NPC1: variants seen among roughly 807,000 people sequenced by gnomAD.
NPC1 encodes NPC intracellular cholesterol transporter 1.
In NPC1, 85 loss-of-function variants were observed where a neutral mutation model predicts 140.4. That is an observed-to-expected ratio of 0.61 (90% CI 0.51 to 0.72). The LOEUF (loss-of-function observed/expected upper bound fraction) is 0.72, where lower values mean the gene tolerates loss of function less well. NPC1 is among the 30% of genes least tolerant of loss of function. NPC1 has a pLI of 0.00. For synonymous variants in NPC1, 656 were observed against 624.8 expected, an observed-to-expected ratio of 1.05 and a Z score of -0.74; for missense variants, 1,504 against 1,623.8, an observed-to-expected ratio of 0.93 and a Z score of 1.27.
chr18:23,532,755 C>A (rs1264249783), intron 24 of NPC1: 6 of 281,252 alleles, frequency 2.1e-5, no homozygotes, highest in Non-Finnish European at 2.6e-5. Context: ...GAACTACTTT[C>A]TATCCCCCGG....
intron 9 of NPC1, among the ~76,000 whole-genome samples, chr18:23,553,778 G>A (rs2058909442): frequency 6.6e-6 from 1 of 152,112 alleles, no homozygotes; most frequent in South Asian, 2.1e-4. Flanking sequence ...ACCGCTTCCT[G>A]GGGTGACTAT....
chr18:23,574,018 A>G (rs981565891), intron 1 of NPC1, among the ~76,000 whole-genome samples: 1 of 152,234 alleles, frequency 6.6e-6, no homozygotes, highest in Non-Finnish European at 1.5e-5. Flanking sequence ...ATGAAGAACA[A>G]AACAACAAAA....
rs374639318 is a variant in NPC1, at chr18:23,509,206, A to G, written c.432-2564T>C. 1.6e-5 allele frequency: 23 copies of G among 1,404,208 alleles called. No homozygotes were observed. The Admixed American group carries it at 2.2e-4, about 13-fold the overall frequency. 87.0% of individuals were successfully genotyped at this position (1,404,208 alleles called of 1,614,324 possible). On this transcript the variant is annotated intron_variant, in intron 3 of 3. Coordinates refer to the NPC1 transcript ENST00000591107. The stretch of plus-strand genomic sequence containing the variant: ...AATTTTTCTTAGACTAAGAATGCCA[A>G]CATTCTAGGATTCTGCTGGACTAGT...
At chr18:23,584,257 C>G (rs2059389082) in intron 1 of NPC1, among the ~76,000 whole-genome samples, 1 of 152,194 alleles carries the variant, frequency 6.6e-6, no homozygotes, top group African/African-American at 2.4e-5. Context: ...TACTAGCGCT[C>G]AGACTGAAGC....
chr18:23,585,660 G>C (rs2059409435), intron 1 of NPC1, among the ~76,000 whole-genome samples: 1 of 152,212 alleles, frequency 6.6e-6, no homozygotes, highest in African/African-American at 2.4e-5. Flanking sequence ...GAAGGAGTCA[G>C]CAGGACACCG....
chr18:23,557,218 T>G, intron 6 of NPC1, 28 bp from the exon 7 acceptor site: 2 of 1,548,080 alleles, frequency 1.3e-6, no homozygotes, highest in East Asian at 2.2e-5. Flanking sequence ...AGAAATAGCA[T>G]TAGTGGACTT....
chr18:23,527,516 G>A (rs2058338685), downstream of NPC1, among the ~76,000 whole-genome samples: 1 of 149,152 alleles, frequency 6.7e-6, no homozygotes. Context: ...CCAGCGTTAA[G>A]TGATCCTTCT....
Position 23,568,110 on chromosome 18 carries a change from TTCTCA to T in NPC1, c.463+708_463+712del, listed in dbSNP as rs142709743. ...TAAAATTAGATAAATATAATCTATTTTCTCATCTCATTTATCAACTAGCCCACCTT... is the reference window on the plus strand; with the variant it reads ...TAAAATTAGATAAATATAATCTATTTTCTCATTTATCAACTAGCCCACCTT... On this transcript the variant is annotated intron_variant, in intron 4 of 24. Transcript: ENST00000269228. 6.2e-3 allele frequency among the ~76,000 whole-genome samples: 939 copies of T among 152,318 alleles called. 7 individuals are homozygous for T. Among genetic ancestry groups the T allele is most frequent in the Non-Finnish European group, 9.0e-3 (611 of 68,022 alleles).
Position 23,532,016 on chromosome 18 carries a change from A to G in NPC1, c.*186T>C. 6.6e-7 allele frequency: 1 copy of G among 1,514,108 alleles called. No homozygotes were observed. Among genetic ancestry groups the G allele is most frequent in the Non-Finnish European group, 8.8e-7 (1 of 1,134,176 alleles). The allele number at this position is 1,514,108 out of a possible 1,614,324, so 93.8% of individuals were successfully genotyped here. On this transcript the variant is annotated 3_prime_UTR_variant, in exon 25 of 25. Transcript: ENST00000269228. ...GTGTCCTGTGGTTGCCTCCAGATCT[A>G]GTAATACTGCTTCCCAAGTCAACTG...
chr18:23,507,322 T>G (rs542120261), intron 3 of NPC1, among the ~76,000 whole-genome samples: 1 of 152,316 alleles, frequency 6.6e-6, no homozygotes, highest in Admixed American at 6.5e-5. Context: ...TGCAGTGATG[T>G]GATCTCGGCT....
intron 14 of NPC1, among the ~76,000 whole-genome samples, chr18:23,543,055 C>A (rs561021742): frequency 6.6e-6 from 1 of 152,068 alleles, no homozygotes; most frequent in Admixed American, 6.6e-5. Flanking sequence ...GGGCTGGGCA[C>A]GGGGGCTCAC....
At chr18:23,516,882 C>T (rs1310505070) in intron 3 of NPC1, among the ~76,000 whole-genome samples, 1 of 151,782 alleles carries the variant, frequency 6.6e-6, no homozygotes, top group Non-Finnish European at 1.5e-5. Flanking sequence ...TGCGTCACCT[C>T]GCCCGGCTAG....
downstream of NPC1, chr18:23,530,189 TTATC>T (rs781545210): frequency 1.1e-4 from 176 of 1,613,866 alleles, no homozygotes; most frequent in Non-Finnish European, 1.4e-4. Flanking sequence ...ATTTTAACCG[TTATC>T]TTTCCAACTG....
chr18:23,575,050 A>C (rs2059254730), intron 1 of NPC1, among the ~76,000 whole-genome samples: 1 of 152,204 alleles, frequency 6.6e-6, no homozygotes, highest in African/African-American at 2.4e-5. Context: ...AAATACAAAG[A>C]ACTCTTCCCT....
intron 3 of NPC1, among the ~76,000 whole-genome samples, chr18:23,512,276 C>A (rs565780218): frequency 6.6e-6 from 1 of 152,224 alleles, no homozygotes; most frequent in African/African-American, 2.4e-5. Flanking sequence ...CTATCTCGGC[C>A]CCCTAAAGTG....
intron 23 of NPC1, chr18:23,533,866 C>T (rs886543466): frequency 2.7e-6 from 1 of 369,212 alleles, no homozygotes; most frequent in Admixed American, 3.9e-5. Flanking sequence ...CAGGTAGCAT[C>T]ATCTACTACC....
intron 3 of NPC1, among the ~76,000 whole-genome samples, chr18:23,513,135 G>A (rs2057907861): frequency 6.6e-6 from 1 of 151,930 alleles, no homozygotes. Context: ...TGTATTTTTG[G>A]TAGAGATGGG....
chr18:23,528,039 T>G (rs1195469230), downstream of NPC1: 1 of 687,258 alleles, frequency 1.5e-6, no homozygotes, highest in Non-Finnish European at 2.4e-6. Context: ...TAGGGCAAGG[T>G]GGCAGTAGTG....
At chr18:23,533,809 A>C in intron 23 of NPC1, 2 of 418,506 alleles carry the variant, frequency 4.8e-6, no homozygotes, top group Non-Finnish European at 8.9e-6. Context: ...GCCAGCCCTT[A>C]TGGGGATTTC....
Sources: gnomAD v4.1 joint callset for allele counts (sites outside exome capture counted in the v4.1 genomes callset) on GRCh38, gnomAD v4.1.1 for gene constraint, MANE v1.5 for transcripts, NCBI Gene and HGNC (gene_info 2026-07-23, HGNC 2026-07-21) for gene names.